MMP16: variants seen among roughly 807,000 people sequenced by gnomAD.
The protein encoded by MMP16 is matrix metallopeptidase 16, also known as matrix metalloproteinase-16.
Under a neutral mutation model 67.8 loss-of-function variants are expected in MMP16, and 12 were observed. That is an observed-to-expected ratio of 0.18 (90% CI 0.11 to 0.29). MMP16 has a LOEUF of 0.29. Among genes scored for constraint, MMP16 ranks in the 10% least tolerant of loss-of-function variants. The pLI is 1.00. For missense variants in MMP16, 475 were observed against 765.7 expected (o/e 0.62, Z 4.48); for synonymous variants, 249 against 255.9 (o/e 0.97, Z 0.26).
chr8:88,275,356 T>C (rs1027835188), intron 1 of MMP16, among the ~76,000 whole-genome samples: 2 of 152,012 alleles, frequency 1.3e-5, no homozygotes, highest in East Asian at 1.9e-4. Context: ...AGTTATATAA[T>C]GCCTTTCCTT....
chr8:88,147,113 A>G (rs1586174417), intron 4 of MMP16, among the ~76,000 whole-genome samples: 1 of 152,036 alleles, frequency 6.6e-6, no homozygotes, highest in East Asian at 1.9e-4. Context: ...TTTTAAAATT[A>G]TATTATCACC....
intron 3 of MMP16, among the ~76,000 whole-genome samples, chr8:88,177,417 T>A (rs937856395): frequency 1.3e-5 from 2 of 152,074 alleles, no homozygotes; most frequent in African/African-American, 4.8e-5. Flanking sequence ...ATACAGAGAC[T>A]CACGGTTTAT....
chr8:88,249,296 A>G (rs1295754780), intron 1 of MMP16, among the ~76,000 whole-genome samples: 1 of 152,112 alleles, frequency 6.6e-6, no homozygotes, highest in Non-Finnish European at 1.5e-5. Flanking sequence ...TAAAAAAAGA[A>G]TGTAATAAGT....
At chr8:88,095,732 G>A (rs1809015569) in intron 6 of MMP16, among the ~76,000 whole-genome samples, 2 of 151,858 alleles carry the variant, frequency 1.3e-5, no homozygotes, top group Admixed American at 6.6e-5. Context: ...CAATGTAAGA[G>A]TGTCCCTGAC....
intron 3 of MMP16, among the ~76,000 whole-genome samples, chr8:88,168,499 T>C (rs1223677073): frequency 6.6e-6 from 1 of 152,220 alleles, no homozygotes; most frequent in Non-Finnish European, 1.5e-5. Flanking sequence ...CTATTGTTTC[T>C]TATTAATTCA....
chr8:88,240,007 C>A (rs1457754573), intron 1 of MMP16, among the ~76,000 whole-genome samples: 1 of 152,212 alleles, frequency 6.6e-6, no homozygotes, highest in Non-Finnish European at 1.5e-5. Flanking sequence ...GCCTTGAGGT[C>A]TGCCTTCAGA....
rs80265895 is a variant in MMP16 at position 88,117,894 on chromosome 8, C to A, written c.871+806G>T. Reference sequence around the variant, plus strand: ...TTGTATCATAAAAACAAAAGCTTCACTTCATTAATTTAGTATAAAGCATAT... The same window carrying A: ...TTGTATCATAAAAACAAAAGCTTCAATTCATTAATTTAGTATAAAGCATAT... On this transcript the variant is annotated intron_variant, in intron 5 of 9. Coordinates refer to ENST00000286614, the MANE Select transcript of MMP16 (RefSeq NM_005941.5). Among the ~76,000 whole-genome samples, 3 of 151,972 alleles carry A rather than the reference C, an allele frequency of 2.0e-5. No individual in the cohort carries two copies. The South Asian group carries it at 6.2e-4, about 31-fold the overall frequency.
chr8:88,252,962 C>T (rs1005343631), intron 1 of MMP16, among the ~76,000 whole-genome samples: 1 of 152,186 alleles, frequency 6.6e-6, no homozygotes, highest in African/African-American at 2.4e-5. Context: ...GTGCAATTCT[C>T]TGGGAACTAG....
intron 5 of MMP16, among the ~76,000 whole-genome samples, chr8:88,117,992 T>G (rs572753327): frequency 1.3e-5 from 2 of 152,060 alleles, no homozygotes; most frequent in African/African-American, 4.8e-5. Context: ...TAAAGGTCAA[T>G]GGTTGTATGA....
chr8:88,322,448 T>C (rs764507752), intron 1 of MMP16, among the ~76,000 whole-genome samples: 3 of 152,178 alleles, frequency 2.0e-5, no homozygotes, highest in South Asian at 2.1e-4. Context: ...CCTATACCAA[T>C]TGATATGTCC....
intron 6 of MMP16, among the ~76,000 whole-genome samples, chr8:88,113,544 T>C (rs1809377302): frequency 1.3e-5 from 2 of 151,866 alleles, no homozygotes. Flanking sequence ...TAATGATGTG[T>C]ATATTGAAGA....
chr8:88,118,573 G>T (rs143031326), intron 5 of MMP16, 127 bp downstream of exon 5: 84 of 835,060 alleles, frequency 1.0e-4, no homozygotes, highest in Non-Finnish European at 1.5e-4. Context: ...TTTGCCAGTA[G>T]GCCAGCTACA....
chr8:88,165,020 T>A (rs1165544303), intron 4 of MMP16, among the ~76,000 whole-genome samples: 2 of 151,608 alleles, frequency 1.3e-5, no homozygotes. Context: ...CCCTGTAGAT[T>A]TTTTCCCCAA....
At chr8:88,315,068 G>A (rs541845376) in intron 1 of MMP16, among the ~76,000 whole-genome samples, 3 of 152,292 alleles carry the variant, frequency 2.0e-5, no homozygotes, top group Admixed American at 1.3e-4. Flanking sequence ...CCAAAGTCCA[G>A]TGACTTGAAT....
intron 7 of MMP16, among the ~76,000 whole-genome samples, chr8:88,069,859 A>G (rs1563522747): frequency 6.6e-6 from 1 of 152,146 alleles, no homozygotes; most frequent in Non-Finnish European, 1.5e-5. Context: ...AATAAGATAA[A>G]ATCTCAGACC....
At chr8:88,102,181 T>A (rs1257582661) in intron 6 of MMP16, among the ~76,000 whole-genome samples, 1 of 151,734 alleles carries the variant, frequency 6.6e-6, no homozygotes, top group Non-Finnish European at 1.5e-5. Context: ...TGTCCTTCAA[T>A]CCAAGGTTGG....
chr8:88,219,055 T>A (rs1809637963), intron 1 of MMP16, among the ~76,000 whole-genome samples: 1 of 151,520 alleles, frequency 6.6e-6, no homozygotes, highest in Admixed American at 6.6e-5. Context: ...TTCATGCTGG[T>A]GAGGTAAGAA....
intron 8 of MMP16, among the ~76,000 whole-genome samples, chr8:88,050,639 G>T (rs1808258141): frequency 6.6e-6 from 1 of 151,994 alleles, no homozygotes; most frequent in African/African-American, 2.4e-5. Flanking sequence ...CAGAGCATTG[G>T]GTATCATATT....
chr8:88,139,137 A>G (rs1808170101), intron 4 of MMP16, among the ~76,000 whole-genome samples: 1 of 152,114 alleles, frequency 6.6e-6, no homozygotes, highest in South Asian at 2.1e-4. Flanking sequence ...TCTCATTTGC[A>G]TTATCTTTTT....
Sources: allele counts gnomAD v4.1 joint callset (sites outside exome capture counted in the v4.1 genomes callset), GRCh38; gene constraint gnomAD v4.1.1; transcripts MANE v1.5; gene names NCBI Gene and HGNC (gene_info 2026-07-23, HGNC 2026-07-21).